MMP1: variants seen among roughly 807,000 people sequenced by gnomAD.
MMP1 encodes interstitial collagenase.
MMP1 carries 51 observed loss-of-function variants against 49.6 expected under a neutral mutation model. The observed-to-expected ratio is 1.03, with a 90% confidence interval of 0.82 to 1.30. The LOEUF (loss-of-function observed/expected upper bound fraction) is 1.30, where lower values mean the gene tolerates loss of function less well. MMP1 is among the 50% of genes most tolerant of loss of function. The pLI, the probability that MMP1 is intolerant of heterozygous loss-of-function variation, is 0.00. For missense variants in MMP1, 623 were observed against 568.7 expected, an observed-to-expected ratio of 1.10 and a Z score of -0.97; for synonymous variants, 230 against 196.8, an observed-to-expected ratio of 1.17 and a Z score of -1.41.
Position 102,791,474 on chromosome 11 carries a change from T to G in MMP1, c.1055A>C (p.Gln352Pro). 1 of 1,613,936 alleles carries G rather than the reference T, an allele frequency of 6.2e-7. No homozygotes were observed. Among genetic ancestry groups the G allele is most frequent in the Non-Finnish European group, 8.5e-7 (1 of 1,179,810 alleles). ...FFKGNKYWAV[Q>P]GQNVLHGYPK... ...GTATCCGTGTAGCACATTCTGTCCC[T>G]GAACAGCCCAGTACTTATTCCCTGC... Residue 352 changes from glutamine (Q) to proline (P), a missense_variant, in exon 8 of 10, where the codon CAG (glutamine) becomes CCG (proline). Gln to Pro is a moderately conservative substitution (Grantham distance 76). Transcript: ENST00000315274.
In MMP1 at chr11:102,790,349, G is replaced by A. The variant is rs2239008; in HGVS notation, c.*63C>T. ...TTAAAAATGACTGAGAAAATAGACA[G>A]TTCTTCAGGAAAACACCTTCTTTGG... On this transcript the variant is annotated 3_prime_UTR_variant, in exon 10 of 10. Coordinates refer to ENST00000315274, the MANE Select transcript of MMP1 (RefSeq NM_002421.4). 195,405 of 938,944 alleles carry A rather than the reference G, an allele frequency of 0.21. 22,018 individuals are homozygous for A. The highest frequency in any genetic ancestry group is 0.43 in the East Asian group (17,439 of 41,016). 58.2% of individuals were successfully genotyped at this position (938,944 alleles called of 1,614,324 possible).
Position 102,796,653 on chromosome 11 carries a change from G to A in MMP1, c.625+11C>T, listed in dbSNP as rs375910425. 1.2e-6 allele frequency: 2 copies of A among 1,610,704 alleles called. No individual in the cohort carries two copies. The highest frequency in any genetic ancestry group is 3.4e-5 in the Admixed American group (2 of 59,466). On this transcript the variant is annotated intron_variant, in intron 4 of 9. Coordinates refer to ENST00000315274, the MANE Select transcript of MMP1 (RefSeq NM_002421.4). ...TGGGAGAATTGAGAGAGGCAAATTT[G>A]ATTGGCTTACCTCTGAAATTGTTGG...
At chr11:102,790,639 A>G (rs1457953505) in intron 9 of MMP1, 64 bp downstream of exon 9, 4 of 1,377,536 alleles carry the variant, frequency 2.9e-6, no homozygotes, top group South Asian at 2.4e-5. Context: ...TGCTGTTCCA[A>G]CTAACAATAA....
At position 102,797,396 on chromosome 11, in the gene MMP1, G is replaced by T. The variant is rs750832416; in HGVS notation, c.210C>A (p.Phe70Leu). 6.2e-7 allele frequency: 1 copy of T among 1,614,150 alleles called. No individual in the cohort carries two copies. The highest frequency in any genetic ancestry group is 8.5e-7 in the Non-Finnish European group (1 of 1,180,020). ...GTTTCCCAGTCACTTTCAGCCCAAA[G>T]AATTCCTGCATTTGCTTCAATTTTT... ...VVEKLKQMQE[F>L]FGLKVTGKPD... The change falls in exon 2 of 10, where the codon TTC (phenylalanine) becomes TTA (leucine). Residue 70 changes from phenylalanine to leucine, a missense_variant. Phe to Leu is a conservative substitution (Grantham distance 22). Coordinates refer to ENST00000315274, the MANE Select transcript of MMP1 (RefSeq NM_002421.4).
chr11:102,790,345 G>T lies in MMP1; in HGVS notation c.*67C>A. 1 of 885,204 alleles carries T rather than the reference G, an allele frequency of 1.1e-6. No homozygotes were observed. The highest frequency in any genetic ancestry group is 1.8e-6 in the Non-Finnish European group (1 of 557,004). The allele number at this position is 885,204 out of a possible 1,614,324, so 54.8% of individuals were successfully genotyped here. On this transcript the variant is annotated 3_prime_UTR_variant, in exon 10 of 10. Coordinates refer to ENST00000315274, the MANE Select transcript of MMP1 (RefSeq NM_002421.4). Reference sequence around the variant, plus strand: ...GAGGTTAAAAATGACTGAGAAAATAGACAGTTCTTCAGGAAAACACCTTCT... The same window carrying T: ...GAGGTTAAAAATGACTGAGAAAATATACAGTTCTTCAGGAAAACACCTTCT...
At position 102,797,131 on chromosome 11, in the gene MMP1, C is replaced by T. The variant is rs760477914; in HGVS notation, c.382G>A (p.Ala128Thr). 5 of 1,614,066 alleles carry T rather than the reference C, an allele frequency of 3.1e-6. No individual in the cohort carries two copies. Among genetic ancestry groups the T allele is most frequent in the Non-Finnish European group, 4.2e-6 (5 of 1,180,032 alleles). Residue 128 changes from alanine to threonine, a missense_variant, in exon 3 of 10, where the codon GCA (alanine) becomes ACA (threonine). Physicochemically the swap from Ala to Thr is moderately conservative, Grantham distance 58. Coordinates refer to ENST00000315274, the MANE Select transcript of MMP1 (RefSeq NM_002421.4). ...IENYTPDLPR[A>T]DVDHAIEKAF... ...TTCTCAATGGCATGGTCCACATCTG[C>T]TCTTGGCAAATCTGGCGTGTAATTT...
intron 5 of MMP1, 61 bp from the exon 6 acceptor site, chr11:102,795,352 T>G (rs565663344): frequency 6.2e-7 from 1 of 1,604,952 alleles, no homozygotes; most frequent in Non-Finnish European, 8.5e-7. Context: ...ACATAAACAA[T>G]GAAGACAGCT....
chr11:102,792,473 A>G (rs1298005573), intron 7 of MMP1, 132 bp downstream of exon 7: 25 of 897,492 alleles, frequency 2.8e-5, no homozygotes, highest in Non-Finnish European at 3.5e-5. Context: ...ATGGACTTTC[A>G]TTGATTTGGT....
intron 9 of MMP1, 46 bp downstream of exon 9, chr11:102,790,657 A>G: frequency 7.1e-7 from 1 of 1,406,818 alleles, no homozygotes; most frequent in Non-Finnish European, 1.0e-6. Flanking sequence ...TAATGATGTT[A>G]TTGCTACGGC....
chr11:102,796,479 G>C (rs1048019498), intron 4 of MMP1, among the ~76,000 whole-genome samples, 185 bp downstream of exon 4: 1 of 152,178 alleles, frequency 6.6e-6, no homozygotes, highest in Non-Finnish European at 1.5e-5. Flanking sequence ...AGTTGTCACT[G>C]CTAAGATGTT....
intron 4 of MMP1, among the ~76,000 whole-genome samples, 200 bp from the exon 5 acceptor site, chr11:102,795,807 C>G (rs1435929149): frequency 6.6e-6 from 1 of 152,150 alleles, no homozygotes; most frequent in Non-Finnish European, 1.5e-5. Context: ...GAAACCTAAA[C>G]TCTATGATTA....
rs1565211310 is a variant in MMP1, at chr11:102,794,229, C to T, written c.899+945G>A. Among the ~76,000 whole-genome samples, 1 of 152,178 alleles carries T rather than the reference C, an allele frequency of 6.6e-6. No individual in the cohort carries two copies. Among genetic ancestry groups the T allele is most frequent in the Non-Finnish European group, 1.5e-5 (1 of 68,024 alleles). The stretch of plus-strand genomic sequence containing the variant: ...GGGCAGAAAGAATTATGAGCCAGTG[C>T]CCTGAATTCTAGGAGAGATGCGACT... On this transcript the variant is annotated intron_variant, in intron 6 of 9. Transcript: ENST00000315274. The surrounding 1 kb of genome is among the most constrained non-coding windows in gnomAD (Gnocchi z 4.3).
Position 102,792,625 on chromosome 11 carries a change from T to A in MMP1, c.1013A>T (p.Asp338Val), listed in dbSNP as rs375378659. ...LEAAYEFADR[D>V]EVRFFKGNKY... ...ATTACCTTTGAAAAACCGGACTTCA[T>A]CTCTGTCGGCAAATTCGTAAGCAGC... is the stretch of plus-strand genomic sequence containing the variant. The change falls in exon 7 of 10, where the codon GAT becomes GTT. Residue 338 changes from aspartate to valine, a missense_variant. By Grantham distance (152) the Asp-to-Val change is radical. Coordinates refer to ENST00000315274, the MANE Select transcript of MMP1 (RefSeq NM_002421.4). The A allele has an allele frequency of 6.2e-7, 1 of 1,613,706 alleles. No individual in the cohort carries two copies. Among genetic ancestry groups the A allele is most frequent in the Admixed American group, 1.7e-5 (1 of 59,972 alleles).
intron 7 of MMP1, 34 bp downstream of exon 7, chr11:102,792,567 GATTT>G: frequency 6.3e-7 from 1 of 1,596,968 alleles, no homozygotes; most frequent in Non-Finnish European, 8.6e-7. Flanking sequence ...ATGAAAAATT[GATTT>G]ATTAAAGCAG....
At position 102,792,609 on chromosome 11, in the gene MMP1, G is replaced by C. The variant is rs1347015697; in HGVS notation, c.1029C>G (p.Phe343Leu). The stretch of plus-strand genomic sequence containing the variant: ...AAAAATAATTAGAAAGATTACCTTT[G>C]AAAAACCGGACTTCATCTCTGTCGG... ...EFADRDEVRF[F>L]KGNKYWAVQG... The change falls in exon 7 of 10, where the codon TTC (phenylalanine) becomes TTG (leucine). Residue 343 changes from phenylalanine to leucine, a missense_variant. Physicochemically the swap from Phe to Leu is conservative, Grantham distance 22. Coordinates refer to ENST00000315274, the MANE Select transcript of MMP1 (RefSeq NM_002421.4). 4 of 1,613,274 alleles carry C rather than the reference G, an allele frequency of 2.5e-6. No homozygotes were observed. The highest frequency in any genetic ancestry group is 1.7e-5 in the Admixed American group (1 of 59,930).
At chr11:102,795,390 T>G in intron 5 of MMP1, 62 bp downstream of exon 5, 1 of 1,604,546 alleles carries the variant, frequency 6.2e-7, no homozygotes, top group Non-Finnish European at 8.5e-7. Context: ...AATGGCTGTT[T>G]TATTTGAAAT....
intron 4 of MMP1, among the ~76,000 whole-genome samples, chr11:102,795,899 G>C (rs368681785): frequency 6.6e-6 from 1 of 152,118 alleles, no homozygotes; most frequent in Non-Finnish European, 1.5e-5. Context: ...TAAATGACAC[G>C]TACTATTTCA....
intron 7 of MMP1, among the ~76,000 whole-genome samples, chr11:102,791,888 G>C (rs182968502): frequency 2.0e-5 from 3 of 152,302 alleles, no homozygotes; most frequent in Non-Finnish European, 2.9e-5. Flanking sequence ...AAGTGCTGTA[G>C]TGACTCATAA....
rs2071231 is a variant in MMP1 at position 102,790,545 on chromosome 11, T to G, written c.1301-24A>C. ...TCCTAGAAACAAAACAAAAGAGACT[T>G]ACTACATTATACAAGTAGTTTCTAG... On this transcript the variant is annotated intron_variant, in intron 9 of 9. Coordinates refer to ENST00000315274, the MANE Select transcript of MMP1 (RefSeq NM_002421.4). 46,620 of 1,422,984 alleles carry G rather than the reference T, an allele frequency of 0.033. 3,158 individuals are homozygous for G. Among genetic ancestry groups the G allele is most frequent in the East Asian group, 0.24 (10,621 of 43,678 alleles). 88.1% of individuals were successfully genotyped at this position (1,422,984 alleles called of 1,614,324 possible). A position where few individuals can be genotyped will look rare whatever the true frequency, so the allele number is the denominator to read the frequency against.
Sources: gnomAD v4.1 joint callset for allele counts (sites outside exome capture counted in the v4.1 genomes callset) on GRCh38, gnomAD v4.1.1 for gene constraint, Gnocchi (gnomAD v3.1) non-coding constraint, MANE v1.5 for transcripts, NCBI Gene and HGNC (gene_info 2026-07-23, HGNC 2026-07-21) for gene names.